The following CTNNA2 variants were observed in gnomAD, a reference collection of about 807,000 sequenced individuals.
The protein encoded by CTNNA2 is catenin alpha-2.
In CTNNA2, 42 loss-of-function variants were observed where a neutral mutation model predicts 101.0. The ratio of observed to expected loss-of-function variants is 0.42; its 90% CI spans 0.32 to 0.54. The LOEUF is 0.54. Ranked by LOEUF, CTNNA2 falls within the 20% of genes least tolerant of loss-of-function variation. CTNNA2 has a pLI of 0.14. For missense variants in CTNNA2, 871 were observed against 1,223.1 expected (o/e 0.71, Z 4.29); for synonymous variants, 450 against 456.4 (o/e 0.99, Z 0.18).
At chr2:80,065,994 T>C (rs1184287843) in intron 7 of CTNNA2, among the ~76,000 whole-genome samples, 1 of 152,186 alleles carries the variant, frequency 6.6e-6, no homozygotes, top group Non-Finnish European at 1.5e-5. Flanking sequence ...GTTCCTGTTA[T>C]CTACAGGAAC....
chr2:80,228,478 T>C (rs1242967758), intron 7 of CTNNA2, among the ~76,000 whole-genome samples: 2 of 152,190 alleles, frequency 1.3e-5, no homozygotes. Flanking sequence ...GCACCAAGAA[T>C]TATGTTTCAA....
chr2:79,913,313 G>A (rs1328310370), intron 7 of CTNNA2, among the ~76,000 whole-genome samples: 2 of 152,168 alleles, frequency 1.3e-5, no homozygotes, highest in African/African-American at 4.8e-5. Context: ...GGGATGACAA[G>A]GTCAAGGGCC....
At position 80,042,245 on chromosome 2, in the gene CTNNA2, G is replaced by A. The variant is rs150140358; in HGVS notation, c.1056+132448G>A. On this transcript the variant is annotated intron_variant, in intron 7 of 18. Transcript: ENST00000402739. ...CTCCCAAAGTGCTGGGATTACAGGC[G>A]TGAGCCACTGCGTTTGACCTAGTTG... 6.8e-4 allele frequency among the ~76,000 whole-genome samples: 103 copies of A among 152,308 alleles called. 1 individual carries two copies. Among genetic ancestry groups the A allele is most frequent in the African/African-American group, 2.0e-3 (85 of 41,570 alleles).
chr2:79,648,530 A>G (rs1680989012), intron 1 of CTNNA2, among the ~76,000 whole-genome samples: 1 of 152,198 alleles, frequency 6.6e-6, no homozygotes, highest in South Asian at 2.1e-4. Flanking sequence ...AAGTAGCAGG[A>G]CATGCAGGAT....
intron 7 of CTNNA2, among the ~76,000 whole-genome samples, chr2:80,018,534 T>C (rs980300587): frequency 2.0e-5 from 3 of 152,094 alleles, no homozygotes; most frequent in African/African-American, 7.2e-5. Flanking sequence ...CCCAGCACTT[T>C]GGGAGGCCGA....
intron 13 of CTNNA2, among the ~76,000 whole-genome samples, chr2:80,579,925 T>G (rs780682609): frequency 6.6e-6 from 1 of 152,222 alleles, no homozygotes; most frequent in Non-Finnish European, 1.5e-5. Flanking sequence ...TGGTCTGCTC[T>G]TTTCTTTTGA....
rs567568765 is a variant in CTNNA2, at chr2:79,521,429, A to G, written c.-6+8222A>G. 1.2e-3 allele frequency among the ~76,000 whole-genome samples: 183 copies of G among 152,022 alleles called. 4 individuals carry two copies. The highest frequency in any genetic ancestry group is 0.011 in the Admixed American group (167 of 15,254). ...GCAGAATGAGGAGGTTTTTGCCAAA[A>G]GCCCTCCTGCAGACTTCTCTCTTAT... is the stretch of plus-strand genomic sequence containing the variant. On this transcript the variant is annotated intron_variant, in intron 1 of 18. Transcript: ENST00000402739.
intron 3 of CTNNA2, among the ~76,000 whole-genome samples, chr2:79,342,018 C>A (rs551938097): frequency 6.6e-6 from 1 of 152,244 alleles, no homozygotes; most frequent in Admixed American, 6.5e-5. Context: ...AAATTTGGGG[C>A]AAATTATTTG....
intron 9 of CTNNA2, among the ~76,000 whole-genome samples, chr2:80,453,417 A>G (rs1683688309): frequency 6.6e-6 from 1 of 151,962 alleles, no homozygotes; most frequent in Non-Finnish European, 1.5e-5. Context: ...ACTGAACTTC[A>G]CTATGGAAGC....
intron 7 of CTNNA2, among the ~76,000 whole-genome samples, chr2:80,291,297 C>T (rs576808276): frequency 6.6e-6 from 1 of 152,300 alleles, no homozygotes; most frequent in East Asian, 1.9e-4. Context: ...TAACTTCATA[C>T]CCTGCCTAAC....
intron 12 of CTNNA2, among the ~76,000 whole-genome samples, chr2:80,565,201 G>A (rs929682900): frequency 6.6e-6 from 1 of 152,080 alleles, no homozygotes; most frequent in African/African-American, 2.4e-5. Context: ...TACTTTGTTG[G>A]TAAAGGCTTT....
chr2:79,604,438 AG>A (rs954946436), intron 1 of CTNNA2, among the ~76,000 whole-genome samples: 2 of 152,200 alleles, frequency 1.3e-5, no homozygotes, highest in African/African-American at 4.8e-5. Flanking sequence ...ACCAGGGGAA[AG>A]GCATTCCAGT....
chr2:79,591,828 A>AC (rs1553433401), intron 1 of CTNNA2, among the ~76,000 whole-genome samples: 1 of 146,348 alleles, frequency 6.8e-6, no homozygotes, highest in African/African-American at 2.5e-5. Flanking sequence ...TCTCTTTTTA[A>AC]TTTTTTTTTG....
intron 4 of CTNNA2, among the ~76,000 whole-genome samples, chr2:79,471,023 T>C (rs1670993121): frequency 6.6e-6 from 1 of 152,196 alleles, no homozygotes; most frequent in African/African-American, 2.4e-5. Flanking sequence ...AGAATTTTGT[T>C]GTAGAATTGA....
Position 79,758,044 on chromosome 2 carries a change from AT to A in CTNNA2, c.298+13467del, listed in dbSNP as rs375405793. Reference sequence around the variant, plus strand: ...GTTGTAAAGTTAATGACAAAATTGTATTTTTAATCATAAAATGATCTTTCCG... The same window carrying A: ...GTTGTAAAGTTAATGACAAAATTGTATTTTAATCATAAAATGATCTTTCCG... On this transcript the variant is annotated intron_variant, in intron 3 of 18. Coordinates refer to ENST00000402739, the MANE Select transcript of CTNNA2 (RefSeq NM_001282597.3). Among the ~76,000 whole-genome samples the A allele has an allele frequency of 9.4e-3, 1,436 of 152,314 alleles. 15 individuals carry two copies. Among genetic ancestry groups the A allele is most frequent in the South Asian group, 0.046 (220 of 4,822 alleles).
intron 7 of CTNNA2, among the ~76,000 whole-genome samples, chr2:80,153,813 G>A (rs1404819941): frequency 6.6e-6 from 1 of 152,188 alleles, no homozygotes; most frequent in East Asian, 1.9e-4. Flanking sequence ...TGATTGAGAT[G>A]TACAGAGCAT....
At position 80,062,915 on chromosome 2, in the gene CTNNA2, T is replaced by C. The variant is rs181973085; in HGVS notation, c.1056+153118T>C. 7.5e-3 allele frequency among the ~76,000 whole-genome samples: 1,144 copies of C among 152,054 alleles called. 10 individuals are homozygous for C. The highest frequency in any genetic ancestry group is 0.025 in the African/African-American group (1,056 of 41,494). On this transcript the variant is annotated intron_variant, in intron 7 of 18. Transcript: ENST00000402739. ...AGAGATGGGGTTTCACCGTGTTAGC[T>C]AGGATGGTCTCGATCTCCTGACCTC... is the stretch of plus-strand genomic sequence containing the variant.
chr2:80,387,460 A>T (rs1452072598), intron 7 of CTNNA2, among the ~76,000 whole-genome samples: 4 of 152,140 alleles, frequency 2.6e-5, no homozygotes, highest in Non-Finnish European at 5.9e-5. Context: ...TTATATAGGG[A>T]GACAGTGGGG....
intron 6 of CTNNA2, among the ~76,000 whole-genome samples, chr2:79,902,997 A>C (rs1426802357): frequency 6.6e-6 from 1 of 152,176 alleles, no homozygotes; most frequent in Non-Finnish European, 1.5e-5. Context: ...TGTCCTAACC[A>C]TTCCCCTCTA....
Sources: allele counts gnomAD v4.1 joint callset (sites outside exome capture counted in the v4.1 genomes callset), GRCh38; gene constraint gnomAD v4.1.1; transcripts MANE v1.5; gene names NCBI Gene and HGNC (gene_info 2026-07-23, HGNC 2026-07-21).